SHLD1: variants seen among roughly 807,000 people sequenced by gnomAD.
The protein encoded by SHLD1 is shieldin complex subunit 1.
SHLD1 carries 3 observed loss-of-function variants against 5.5 expected under a neutral mutation model. The ratio of observed to expected loss-of-function variants is 0.54; its 90% CI spans 0.25 to 1.40. SHLD1 has a LOEUF of 1.40. Among genes scored for constraint, SHLD1 ranks in the 40% most tolerant of loss-of-function variants. SHLD1 has a pLI of 0.15. For synonymous variants in SHLD1, 92 were observed against 94.3 expected, an observed-to-expected ratio of 0.98 and a Z score of 0.14; for missense variants, 210 against 244.4, an observed-to-expected ratio of 0.86 and a Z score of 0.94.
intron 1 of SHLD1, among the ~76,000 whole-genome samples, chr20:5,751,659 G>C (rs1983756353): frequency 6.6e-6 from 1 of 152,110 alleles, no homozygotes; most frequent in African/African-American, 2.4e-5. Flanking sequence ...TCATGTGTCA[G>C]ACTGTTAGCA....
chr20:5,858,224 G>C (rs926942049), intron 2 of SHLD1, among the ~76,000 whole-genome samples: 3 of 152,146 alleles, frequency 2.0e-5, no homozygotes, highest in Admixed American at 6.5e-5. Context: ...GGGTGGGTGG[G>C]TGGCTATTGA....
In SHLD1 at chr20:5,862,960, C is replaced by A; in HGVS notation, c.179-64C>A. ...GAACTGAAAATAGACATCATCTGCT[C>A]TTGGCTTGCTTTCTGATATTTTTGA... On this transcript the variant is annotated intron_variant, in intron 2 of 2. Transcript: ENST00000303142. 9.2e-6 allele frequency: 13 copies of A among 1,414,320 alleles called. No homozygotes were observed. The South Asian group carries it at 1.5e-4, about 17-fold the overall frequency. The allele number at this position is 1,414,320 out of a possible 1,614,324, so 87.6% of individuals were successfully genotyped here.
chr20:5,841,247 A>G (rs1160236495), intron 2 of SHLD1, among the ~76,000 whole-genome samples: 1 of 152,062 alleles, frequency 6.6e-6, no homozygotes, highest in African/African-American at 2.4e-5. Flanking sequence ...TTGGAATACC[A>G]TTTACATATA....
intron 2 of SHLD1, among the ~76,000 whole-genome samples, chr20:5,839,532 A>T (rs2087832319): frequency 6.7e-6 from 1 of 149,854 alleles, no homozygotes; most frequent in African/African-American, 2.5e-5. Flanking sequence ...TAGATGATAG[A>T]TAGACAGATA....
rs568541523 is a variant in SHLD1 at position 5,792,679 on chromosome 20, T to TTA, written c.178+19636_178+19637insTA. ...AGGTGATCTGCCGTTTTCTTTTTTT[T>TTA]AAAAAAAAAAAAGAAAAAGAGTCTT... On this transcript the variant is annotated intron_variant, in intron 2 of 2. Transcript: ENST00000303142. 5.9e-3 allele frequency among the ~76,000 whole-genome samples: 850 copies of TTA among 143,016 alleles called. 3 individuals are homozygous for TTA. The highest frequency in any genetic ancestry group is 0.01 in the African/African-American group (387 of 38,676). 93.8% of individuals were successfully genotyped at this position (143,016 alleles called of 152,430 possible).
At position 5,840,943 on chromosome 20, in the gene SHLD1, T is replaced by G. The variant is rs541412115; in HGVS notation, c.179-22081T>G. 1.8e-4 allele frequency among the ~76,000 whole-genome samples: 28 copies of G among 152,324 alleles called. No homozygotes were observed. The South Asian group carries it at 5.8e-3, about 32-fold the overall frequency. ...TTTTTAATATTCTTAGGGCTTGTTC[T>G]GGCCTTAGTCAATGGAACACCTACA... is the stretch of plus-strand genomic sequence containing the variant. On this transcript the variant is annotated intron_variant, in intron 2 of 2. Coordinates refer to ENST00000303142, the MANE Select transcript of SHLD1 (RefSeq NM_152504.4).
At chr20:5,860,349 TACA>T (rs1377479102) in intron 2 of SHLD1, among the ~76,000 whole-genome samples, 3 of 152,180 alleles carry the variant, frequency 2.0e-5, no homozygotes, top group Non-Finnish European at 4.4e-5. Flanking sequence ...TTAATTTTTT[TACA>T]ACAATTTTTT....
intron 1 of SHLD1, among the ~76,000 whole-genome samples, chr20:5,764,156 A>ATATATATATATATT (rs1453233954): frequency 6.5e-5 from 3 of 45,836 alleles, no homozygotes; most frequent in African/African-American, 8.5e-5. Flanking sequence ...ATATATTTAT[A>ATATATATATATATT]TTTATATATA....
At chr20:5,831,383 C>T (rs1314785523) in intron 2 of SHLD1, among the ~76,000 whole-genome samples, 1 of 152,206 alleles carries the variant, frequency 6.6e-6, no homozygotes, top group East Asian at 1.9e-4. Context: ...CTGTAATTTA[C>T]AGCCATCATC....
intron 2 of SHLD1, among the ~76,000 whole-genome samples, chr20:5,835,687 T>A (rs574697265): frequency 1.5e-3 from 222 of 152,280 alleles, no homozygotes; most frequent in African/African-American, 5.2e-3. Flanking sequence ...CAACTCTGAG[T>A]CACTCTCTGA....
At chr20:5,770,186 G>A (rs1985076744) in intron 1 of SHLD1, among the ~76,000 whole-genome samples, 1 of 152,066 alleles carries the variant, frequency 6.6e-6, no homozygotes, top group Non-Finnish European at 1.5e-5. Flanking sequence ...GGGGATCCTT[G>A]ATAGTGTTTT....
At chr20:5,830,017 A>G (rs1287009) in intron 2 of SHLD1, among the ~76,000 whole-genome samples, 75,298 of 152,030 alleles carry the variant, frequency 0.5, 21,691 homozygotes, top group East Asian at 0.74. Flanking sequence ...CATCATTAGG[A>G]CTAAAAGCAG....
At chr20:5,774,981 T>C (rs1985360477) in intron 2 of SHLD1, among the ~76,000 whole-genome samples, 1 of 152,172 alleles carries the variant, frequency 6.6e-6, no homozygotes, top group Non-Finnish European at 1.5e-5. Context: ...CATCCCTGGG[T>C]AGCAACAGCA....
intron 2 of SHLD1, among the ~76,000 whole-genome samples, chr20:5,857,300 A>T (rs2088101104): frequency 6.6e-6 from 1 of 152,126 alleles, no homozygotes; most frequent in Non-Finnish European, 1.5e-5. Flanking sequence ...CATTATGAAC[A>T]TTAGTTTAAA....
chr20:5,850,608 T>G (rs1050822129), intron 2 of SHLD1, among the ~76,000 whole-genome samples: 1 of 151,674 alleles, frequency 6.6e-6, no homozygotes, highest in Non-Finnish European at 1.5e-5. Context: ...CCTCCCGGGT[T>G]CAAGCAATTC....
At chr20:5,821,875 A>C (rs2087610280) in intron 2 of SHLD1, among the ~76,000 whole-genome samples, 1 of 152,104 alleles carries the variant, frequency 6.6e-6, no homozygotes, top group Non-Finnish European at 1.5e-5. Flanking sequence ...TGAGAGAGGG[A>C]GACAGCCAAA....
At chr20:5,799,635 C>G (rs1264371854) in intron 2 of SHLD1, among the ~76,000 whole-genome samples, 1 of 152,052 alleles carries the variant, frequency 6.6e-6, no homozygotes. Context: ...CAGGCCAGCT[C>G]AAATTCAAAG....
intron 1 of SHLD1, among the ~76,000 whole-genome samples, chr20:5,768,402 C>T (rs1376719815): frequency 2.6e-5 from 4 of 152,220 alleles, no homozygotes; most frequent in Admixed American, 2.6e-4. Context: ...GAACCTCTTC[C>T]AGAAAGCCTC....
At chr20:5,857,822 A>G (rs1332542759) in intron 2 of SHLD1, among the ~76,000 whole-genome samples, 1 of 151,772 alleles carries the variant, frequency 6.6e-6, no homozygotes, top group Non-Finnish European at 1.5e-5. Context: ...AAAAAAAACC[A>G]GGTGCCCTGG....
Sources: allele counts gnomAD v4.1 joint callset (sites outside exome capture counted in the v4.1 genomes callset), GRCh38; gene constraint gnomAD v4.1.1; transcripts MANE v1.5; gene names NCBI Gene and HGNC (gene_info 2026-07-23, HGNC 2026-07-21).